The following EHD4 variants were observed in gnomAD, a reference collection of about 807,000 sequenced individuals.
EHD4 encodes the protein EH domain-containing protein 4.
In EHD4, 37 loss-of-function variants were observed where a neutral mutation model predicts 51.0. The observed-to-expected ratio is 0.73, with a 90% CI of 0.56 to 0.95. The LOEUF (loss-of-function observed/expected upper bound fraction) is 0.95, where lower values mean the gene tolerates loss of function less well. Ranked by LOEUF, EHD4 falls within the 40% of genes least tolerant of loss-of-function variation. The pLI is 0.00. For missense variants in EHD4, 632 were observed against 733.1 expected (o/e 0.86, Z 1.59); for synonymous variants, 297 against 317.3 (o/e 0.94, Z 0.68).
intron 4 of EHD4, among the ~76,000 whole-genome samples, chr15:41,910,445 T>C (rs74619394): frequency 0.018 from 2,750 of 152,284 alleles, 69 homozygotes; most frequent in African/African-American, 0.051. Flanking sequence ...GAAACCTTGA[T>C]CACTGGGGCT....
chr15:41,907,807 G>A (rs193149335), intron 5 of EHD4, among the ~76,000 whole-genome samples: 191 of 151,388 alleles, frequency 1.3e-3, no homozygotes, highest in Admixed American at 4.3e-3. Flanking sequence ...ACAGGTGTGA[G>A]CCACTGCGCC....
chr15:41,902,768 T>C (rs2067485595), intron 5 of EHD4, among the ~76,000 whole-genome samples: 1 of 150,070 alleles, frequency 6.7e-6, no homozygotes, highest in African/African-American at 2.5e-5. Flanking sequence ...TATACATATA[T>C]GTATGTGTGT....
chr15:41,971,826 G>A (rs894370536), intron 1 of EHD4, among the ~76,000 whole-genome samples: 3 of 152,198 alleles, frequency 2.0e-5, no homozygotes, highest in African/African-American at 7.2e-5. Flanking sequence ...ATTTGTTCAA[G>A]AAATAGTTGA....
intron 3 of EHD4, among the ~76,000 whole-genome samples, chr15:41,935,834 T>C (rs1490488199): frequency 1.3e-5 from 2 of 152,122 alleles, no homozygotes; most frequent in African/African-American, 2.4e-5. Flanking sequence ...TTGGGGTCTG[T>C]CAGAAGGTGA....
At chr15:41,965,177 T>C (rs898364553) in intron 1 of EHD4, among the ~76,000 whole-genome samples, 3 of 152,220 alleles carry the variant, frequency 2.0e-5, no homozygotes, top group Non-Finnish European at 4.4e-5. Context: ...ATTGCAACAT[T>C]ATGTATAACA....
At chr15:41,911,870 G>A (rs1202262400) in intron 4 of EHD4, among the ~76,000 whole-genome samples, 2 of 152,070 alleles carry the variant, frequency 1.3e-5, no homozygotes, top group Non-Finnish European at 2.9e-5. Context: ...CCTCTGAGCC[G>A]CCAGGCCCCA....
In EHD4 at chr15:41,917,604, C is replaced by G. The variant is rs114373627; in HGVS notation, c.924+1606G>C. Reference sequence around the variant, plus strand: ...TAAACTAATGTGGGGTGTCACACACCTTGAAGGTTGTTCAGTTGTACCTGC... The same window carrying G: ...TAAACTAATGTGGGGTGTCACACACGTTGAAGGTTGTTCAGTTGTACCTGC... On this transcript the variant is annotated intron_variant, in intron 4 of 5. Transcript: ENST00000220325. 7.1e-3 allele frequency among the ~76,000 whole-genome samples: 1,085 copies of G among 152,292 alleles called. 20 individuals carry two copies. The highest frequency in any genetic ancestry group is 0.025 in the African/African-American group (1,029 of 41,546).
chr15:41,938,901 T>C (rs916808863), intron 3 of EHD4, among the ~76,000 whole-genome samples: 15 of 152,212 alleles, frequency 9.9e-5, no homozygotes, highest in Middle Eastern at 3.2e-3. Context: ...TTGTACTAAG[T>C]AGCTGGGAAC....
intron 1 of EHD4, among the ~76,000 whole-genome samples, chr15:41,966,220 G>A (rs1042308633): frequency 6.6e-6 from 1 of 151,724 alleles, no homozygotes; most frequent in Non-Finnish European, 1.5e-5. Flanking sequence ...TCCTCAACCC[G>A]CGCCATCTGG....
At chr15:41,955,982 T>C (rs1195272051) in intron 1 of EHD4, among the ~76,000 whole-genome samples, 1 of 152,168 alleles carries the variant, frequency 6.6e-6, no homozygotes, top group Non-Finnish European at 1.5e-5. Context: ...GAGGCTGGTA[T>C]GACTGAGGGA....
Position 41,919,635 on chromosome 15 carries a change from A to C in EHD4, c.512-13T>G. The C allele has an allele frequency of 3.3e-6, 5 of 1,508,552 alleles. No individual in the cohort carries two copies. The highest frequency in any genetic ancestry group is 3.5e-6 in the Non-Finnish European group (4 of 1,129,558). 93.4% of individuals were successfully genotyped at this position (1,508,552 alleles called of 1,614,324 possible). A position where few individuals can be genotyped will look rare whatever the true frequency, so the allele number is the denominator to read the frequency against. ...CAGAAGTCATAGCCTGGGTGGAGAG[A>C]AGGACACGTCAGTGTAGCCACTGCT... On this transcript the variant is annotated splice_polypyrimidine_tract_variant and intron_variant, in intron 3 of 5. Transcript: ENST00000220325.
intron 2 of EHD4, among the ~76,000 whole-genome samples, chr15:41,949,016 C>CTATGTATATA (rs2067833895): frequency 1.1e-5 from 1 of 92,446 alleles, no homozygotes; most frequent in Non-Finnish European, 2.1e-5. Flanking sequence ...CAGAGTGAGA[C>CTATGTATATA]TATATATATA....
chr15:41,959,807 T>C (rs2067913048), intron 1 of EHD4, among the ~76,000 whole-genome samples: 1 of 151,850 alleles, frequency 6.6e-6, no homozygotes, highest in South Asian at 2.1e-4. Flanking sequence ...CCGTCTCTAC[T>C]AAAAGCACAA....
intron 5 of EHD4, 26 bp downstream of exon 5, chr15:41,909,673 G>C (rs181241129): frequency 6.2e-7 from 1 of 1,613,034 alleles, no homozygotes; most frequent in Non-Finnish European, 8.5e-7. Context: ...CCCTCTGCCC[G>C]TGACATTGTA....
At chr15:41,967,095 C>A (rs2141011094) in intron 1 of EHD4, among the ~76,000 whole-genome samples, 1 of 152,312 alleles carries the variant, frequency 6.6e-6, no homozygotes, top group South Asian at 2.1e-4. Context: ...CATTATGCCC[C>A]ATCCTTCCTC....
At chr15:41,932,441 G>A (rs963930282) in intron 3 of EHD4, among the ~76,000 whole-genome samples, 1 of 152,150 alleles carries the variant, frequency 6.6e-6, no homozygotes, top group Non-Finnish European at 1.5e-5. Flanking sequence ...CCTACCCACC[G>A]CAGGGTGCTT....
chr15:41,911,018 C>T (rs2067546115), intron 4 of EHD4, among the ~76,000 whole-genome samples: 2 of 152,184 alleles, frequency 1.3e-5, no homozygotes, highest in Non-Finnish European at 2.9e-5. Context: ...CTACTGTAAT[C>T]TTGTAGAAGT....
At chr15:41,954,103 C>T (rs772993931) in intron 1 of EHD4, among the ~76,000 whole-genome samples, 163 bp from the exon 2 acceptor site, 1 of 152,208 alleles carries the variant, frequency 6.6e-6, no homozygotes, top group African/African-American at 2.4e-5. Flanking sequence ...GTTGATGCAA[C>T]AGACGCTACC....
At chr15:41,905,667 C>A (rs796228845) in intron 5 of EHD4, among the ~76,000 whole-genome samples, 6 of 152,264 alleles carry the variant, frequency 3.9e-5, no homozygotes, top group African/African-American at 1.4e-4. Flanking sequence ...TTTTTACCCC[C>A]ATTTGTTCAT....
Sources: gnomAD v4.1 joint callset for allele counts (sites outside exome capture counted in the v4.1 genomes callset) on GRCh38, gnomAD v4.1.1 for gene constraint, MANE v1.5 for transcripts, NCBI Gene and HGNC (gene_info 2026-07-23, HGNC 2026-07-21) for gene names.